Variants in CYP3A4 observed in about 807,000 individuals in gnomAD.
CYP3A4 encodes the protein cytochrome P450 family 3 subfamily A member 4.
A neutral mutation model predicts 54.9 loss-of-function variants in CYP3A4; 41 were observed. The ratio of observed to expected loss-of-function variants is 0.75; its 90% CI spans 0.58 to 0.97. The LOEUF (loss-of-function observed/expected upper bound fraction) is 0.97, where lower values mean the gene tolerates loss of function less well. CYP3A4 is among the 50% of genes least tolerant of loss of function. CYP3A4 has a pLI of 0.00. For synonymous variants in CYP3A4, 179 were observed against 205.2 expected (o/e 0.87, Z 1.09); for missense variants, 510 against 597.3 (o/e 0.85, Z 1.52).
chr7:99,773,545 C>T (rs539255202), intron 3 of CYP3A4, among the ~76,000 whole-genome samples: 2 of 152,282 alleles, frequency 1.3e-5, no homozygotes, highest in African/African-American at 2.4e-5. Context: ...AAGAAAGTGA[C>T]TCAAAATCAC....
In CYP3A4 at chr7:99,769,757, C is replaced by G. The variant is rs3091340; in HGVS notation, c.521+11G>C. 1.1e-5 allele frequency: 18 copies of G among 1,613,680 alleles called. No individual in the cohort carries two copies. Among genetic ancestry groups the G allele is most frequent in the Admixed American group, 3.3e-5 (2 of 59,984 alleles). The stretch of plus-strand genomic sequence containing the variant: ...GACAGCTCAGAACCCCATGGCTGCG[C>G]TTCTACTTACTCTTTCAAGGTGACA... On this transcript the variant is annotated intron_variant, in intron 6 of 12. Transcript: ENST00000651514.
chr7:99,766,469 T>A (rs1395438254), intron 8 of CYP3A4, 26 bp from the exon 9 acceptor site: 5 of 1,613,212 alleles, frequency 3.1e-6, no homozygotes, highest in Non-Finnish European at 4.2e-6. Context: ...GAAATTTCAC[T>A]GACAGAAAGT....
intron 11 of CYP3A4, among the ~76,000 whole-genome samples, chr7:99,761,384 T>C (rs548237104): frequency 6.0e-4 from 91 of 152,290 alleles, no homozygotes; most frequent in East Asian, 2.1e-3. Context: ...AATTGTCTTG[T>C]ACTATTTCAA....
chr7:99,762,013 G>A, intron 11 of CYP3A4, 28 bp downstream of exon 11: 1 of 1,607,298 alleles, frequency 6.2e-7, no homozygotes, highest in African/African-American at 1.3e-5. Context: ...CTGGTTCAGG[G>A]AGGGCTCCCT....
chr7:99,776,484 G>A (rs1376218341), intron 3 of CYP3A4, among the ~76,000 whole-genome samples: 13 of 152,178 alleles, frequency 8.5e-5, no homozygotes, highest in Middle Eastern at 6.8e-3. Context: ...AATGTGCCAC[G>A]TATACCCCAT....
At chr7:99,768,146 G>A (rs1475810099) in intron 7 of CYP3A4, among the ~76,000 whole-genome samples, 1 of 152,060 alleles carries the variant, frequency 6.6e-6, no homozygotes, top group Non-Finnish European at 1.5e-5. Flanking sequence ...TGTGACAGGG[G>A]GCTGATAGCT....
chr7:99,763,637 A>T (rs1034811576), intron 10 of CYP3A4, among the ~76,000 whole-genome samples: 3 of 152,224 alleles, frequency 2.0e-5, no homozygotes, highest in African/African-American at 7.2e-5. Context: ...TAGAAAGCAG[A>T]TGAACCAGAG....
At chr7:99,782,153 G>A (rs1815941656) in intron 1 of CYP3A4, among the ~76,000 whole-genome samples, 1 of 152,176 alleles carries the variant, frequency 6.6e-6, no homozygotes, top group South Asian at 2.1e-4. Context: ...ACTAATCTCT[G>A]CTTCTAAACT....
In CYP3A4 at chr7:99,770,253, A is replaced by C. The variant is rs1367609050; in HGVS notation, c.319-18T>G. The stretch of plus-strand genomic sequence containing the variant: ...CCAAAAGGCTAGAGTTCAAAGCAGA[A>C]ACATTTTGTCCTACATCAGTTGTGG... On this transcript the variant is annotated intron_variant, in intron 4 of 12. Coordinates refer to ENST00000651514, the MANE Select transcript of CYP3A4 (RefSeq NM_017460.6). The C allele has an allele frequency of 6.3e-7, 1 of 1,593,098 alleles. No individual in the cohort carries two copies.
rs185813636 is a variant in CYP3A4, at chr7:99,762,526, G to A, written c.1027-259C>T. Among the ~76,000 whole-genome samples the A allele has an allele frequency of 2.6e-5, 4 of 151,662 alleles. No homozygotes were observed. The East Asian group carries it at 5.8e-4, about 22-fold the overall frequency. On this transcript the variant is annotated intron_variant, in intron 10 of 12. Transcript: ENST00000651514. ...AGGGACTGAAATCCTTAGCATAACC[G>A]TGTATATATGTCTATATATATATAC...
Position 99,762,456 on chromosome 7 carries a change from G to A in CYP3A4, c.1027-189C>T, listed in dbSNP as rs551122540. 2.3e-4 allele frequency among the ~76,000 whole-genome samples: 35 copies of A among 152,094 alleles called. No homozygotes were observed. In the South Asian group the frequency reaches 6.3e-3, roughly 27 times the overall value. Reference sequence around the variant, plus strand: ...TGCTCAGTGGCCCACTGAGATGTGTGGAGGAGTTATGAAGGTGGGAAGCAT... The same window carrying A: ...TGCTCAGTGGCCCACTGAGATGTGTAGAGGAGTTATGAAGGTGGGAAGCAT... On this transcript the variant is annotated intron_variant, in intron 10 of 12. Coordinates refer to ENST00000651514, the MANE Select transcript of CYP3A4 (RefSeq NM_017460.6).
intron 7 of CYP3A4, among the ~76,000 whole-genome samples, chr7:99,768,094 G>C (rs34853336): frequency 2.6e-5 from 4 of 152,198 alleles, no homozygotes; most frequent in Non-Finnish European, 5.9e-5. Context: ...CAAATCCATA[G>C]AAGCAGAAAG....
chr7:99,769,629 G>C, intron 6 of CYP3A4, 139 bp downstream of exon 6: 2 of 750,644 alleles, frequency 2.7e-6, no homozygotes, highest in Non-Finnish European at 4.5e-6. Flanking sequence ...CATCTTGGGA[G>C]ACCCATTGAA....
intron 8 of CYP3A4, chr7:99,766,884 C>T (rs951770716): frequency 1.5e-4 from 57 of 386,012 alleles, no homozygotes; most frequent in Admixed American, 1.3e-3. Context: ...AAATTTATGC[C>T]GTGGCATACT....
intron 5 of CYP3A4, 66 bp downstream of exon 5, chr7:99,770,056 T>C: frequency 6.4e-7 from 1 of 1,561,952 alleles, no homozygotes; most frequent in Admixed American, 1.7e-5. Flanking sequence ...TGTGATCTTA[T>C]TTTATACCTG....
At position 99,780,173 on chromosome 7, in the gene CYP3A4, C is replaced by T. The variant is rs572876659; in HGVS notation, c.72-88G>A. The T allele has an allele frequency of 4.6e-6, 6 of 1,312,026 alleles. No homozygotes were observed. The South Asian group carries it at 7.4e-5, about 16-fold the overall frequency. The allele number at this position is 1,312,026 out of a possible 1,614,324, so 81.3% of individuals were successfully genotyped here. Reference sequence around the variant, plus strand: ...AGTCATTGACTGAGGAACTGGAATGCTCAAGAGAACGAGGTAACATTAAGG... The same window carrying T: ...AGTCATTGACTGAGGAACTGGAATGTTCAAGAGAACGAGGTAACATTAAGG... On this transcript the variant is annotated intron_variant, in intron 1 of 12. Transcript: ENST00000651514.
rs914925347 is a variant in CYP3A4 at position 99,762,418 on chromosome 7, A to G, written c.1027-151T>C. 4 of 1,148,960 alleles carry G rather than the reference A, an allele frequency of 3.5e-6. No individual in the cohort carries two copies. In the African/African-American group the frequency reaches 4.6e-5, roughly 13 times the overall value. 71.2% of individuals were successfully genotyped at this position (1,148,960 alleles called of 1,614,324 possible). A position where few individuals can be genotyped will look rare whatever the true frequency, so the allele number is the denominator to read the frequency against. ...TTTATAAAGTGTTTTAATAACTGTCATGCCCATTGCTGTGCTCAGTGGCCC... is the reference window on the plus strand; with the variant it reads ...TTTATAAAGTGTTTTAATAACTGTCGTGCCCATTGCTGTGCTCAGTGGCCC... On this transcript the variant is annotated intron_variant, in intron 10 of 12. Coordinates refer to ENST00000651514, the MANE Select transcript of CYP3A4 (RefSeq NM_017460.6).
In CYP3A4 at chr7:99,766,859, A is replaced by G. The variant is rs919049803; in HGVS notation, c.798+272T>C. The G allele has an allele frequency of 4.6e-5, 17 of 369,876 alleles. 1 individual carries two copies. The highest frequency in any genetic ancestry group is 3.9e-5 in the Non-Finnish European group (8 of 205,842). 22.9% of individuals were successfully genotyped at this position (369,876 alleles called of 1,614,324 possible). A position where few individuals can be genotyped will look rare whatever the true frequency, so the allele number is the denominator to read the frequency against. ...TTATTGAAGGGAAGTAAAGTGGTAA[A>G]GTTTTATCTCAATAAAATTTATGCC... On this transcript the variant is annotated intron_variant, in intron 8 of 12. Transcript: ENST00000651514.
At chr7:99,778,221 GA>G in intron 2 of CYP3A4, 141 bp from the exon 3 acceptor site, 1 of 635,442 alleles carries the variant, frequency 1.6e-6, no homozygotes, top group Non-Finnish European at 2.7e-6. Flanking sequence ...CGTCATAAAG[GA>G]AATAAGAGAA....
Sources: gnomAD v4.1 joint callset for allele counts (sites outside exome capture counted in the v4.1 genomes callset) on GRCh38, gnomAD v4.1.1 for gene constraint, MANE v1.5 for transcripts, NCBI Gene and HGNC (gene_info 2026-07-23, HGNC 2026-07-21) for gene names.